Variants in FHIT observed in about 807,000 individuals in gnomAD.
FHIT encodes the protein bis(5'-adenosyl)-triphosphatase.
Under a neutral mutation model 17.9 loss-of-function variants are expected in FHIT, and 19 were observed. That is an observed-to-expected ratio of 1.06 (90% CI 0.74 to 1.56). FHIT has a LOEUF of 1.56. FHIT is among the 40% of genes most tolerant of loss of function. FHIT has a pLI of 0.00. For synonymous variants in FHIT, 81 were observed against 69.7 expected, an observed-to-expected ratio of 1.16 and a Z score of -0.81; for missense variants, 248 against 189.2, an observed-to-expected ratio of 1.31 and a Z score of -1.82.
At chr3:59,854,078 G>A (rs565769368) in intron 8 of FHIT, among the ~76,000 whole-genome samples, 41 of 152,276 alleles carry the variant, frequency 2.7e-4, no homozygotes, top group African/African-American at 9.6e-4. Context: ...GAACCATTGG[G>A]TACTTCGAGT....
rs976750500 is a variant in FHIT at position 59,748,010 on chromosome 3, C to T, written c.*1575G>A. On this transcript the variant is annotated 3_prime_UTR_variant, in exon 10 of 10. Coordinates refer to ENST00000492590, the MANE Select transcript of FHIT (RefSeq NM_002012.4). ...TCTGAATATGCCAAATGGAGAGTTT[C>T]GGTTTGGTGCTAGAATTAAATGCCC... is the stretch of plus-strand genomic sequence containing the variant. Among the ~76,000 whole-genome samples the T allele has an allele frequency of 1.3e-5, 2 of 152,072 alleles. No individual in the cohort carries two copies. The highest frequency in any genetic ancestry group is 2.4e-5 in the African/African-American group (1 of 41,398).
At chr3:59,926,318 C>A (rs1236934652) in intron 7 of FHIT, among the ~76,000 whole-genome samples, 1 of 152,108 alleles carries the variant, frequency 6.6e-6, no homozygotes, top group African/African-American at 2.4e-5. Flanking sequence ...CATTGATTCA[C>A]TCAAAAATAT....
At chr3:60,787,419 T>C (rs369336556) in intron 4 of FHIT, among the ~76,000 whole-genome samples, 1 of 152,192 alleles carries the variant, frequency 6.6e-6, no homozygotes, top group South Asian at 2.1e-4. Flanking sequence ...TCTAATAGTG[T>C]CTGATACCCT....
intron 8 of FHIT, among the ~76,000 whole-genome samples, chr3:59,812,640 C>T (rs1017391371): frequency 6.6e-6 from 1 of 152,176 alleles, no homozygotes; most frequent in Non-Finnish European, 1.5e-5. Flanking sequence ...TCAGTGGAGA[C>T]GTCCTTCCTA....
intron 8 of FHIT, among the ~76,000 whole-genome samples, chr3:59,786,920 T>C (rs945950431): frequency 2.0e-5 from 3 of 152,190 alleles, no homozygotes; most frequent in Non-Finnish European, 2.9e-5. Flanking sequence ...CATTTTTGCA[T>C]TGCTGAAAAT....
At chr3:60,519,483 C>T (rs79199791) in intron 5 of FHIT, among the ~76,000 whole-genome samples, 1 of 152,256 alleles carries the variant, frequency 6.6e-6, no homozygotes, top group African/African-American at 2.4e-5. Context: ...CAAAACTTAA[C>T]TACTAGTAGA....
At chr3:60,919,090 G>A (rs62251572) in intron 3 of FHIT, among the ~76,000 whole-genome samples, 35,408 of 152,024 alleles carry the variant, frequency 0.23, 5,416 homozygotes, top group East Asian at 0.62. Flanking sequence ...GTAAGCAAAG[G>A]GGGCTCAGTG....
intron 5 of FHIT, among the ~76,000 whole-genome samples, chr3:60,172,081 G>A (rs1701443779): frequency 6.6e-6 from 1 of 152,114 alleles, no homozygotes; most frequent in Non-Finnish European, 1.5e-5. Flanking sequence ...AGGGGAGACA[G>A]GTATTATTCA....
rs1231839973 is a variant in FHIT, at chr3:60,295,112, C to T, written c.103+241748G>A. On this transcript the variant is annotated intron_variant, in intron 5 of 9. Coordinates refer to ENST00000492590, the MANE Select transcript of FHIT (RefSeq NM_002012.4). ...TAAAGGAATACATGAGTAGCCAGGTCAGTGGCACAGGCCTGTAGTCCCAGC... is the reference window on the plus strand; with the variant it reads ...TAAAGGAATACATGAGTAGCCAGGTTAGTGGCACAGGCCTGTAGTCCCAGC... 3.9e-5 allele frequency among the ~76,000 whole-genome samples: 6 copies of T among 151,974 alleles called. No individual in the cohort carries two copies. In the South Asian group the frequency reaches 8.3e-4, roughly 21 times the overall value.
intron 4 of FHIT, among the ~76,000 whole-genome samples, chr3:60,600,463 AAAGT>A (rs532437377): frequency 2.6e-5 from 4 of 152,320 alleles, no homozygotes; most frequent in African/African-American, 2.4e-5. Flanking sequence ...CTAATTTTTA[AAAGT>A]AAGAAAATGA....
intron 7 of FHIT, among the ~76,000 whole-genome samples, chr3:60,006,174 C>T (rs961691011): frequency 6.6e-6 from 1 of 152,120 alleles, no homozygotes; most frequent in Non-Finnish European, 1.5e-5. Context: ...TAAAAATGTT[C>T]GGACAGAGAG....
intron 4 of FHIT, among the ~76,000 whole-genome samples, chr3:60,702,470 GGCC>G: frequency 6.6e-6 from 1 of 151,334 alleles, no homozygotes; most frequent in South Asian, 2.1e-4. Flanking sequence ...TTTCTATATA[GGCC>G]TTTTTTGTTA....
At chr3:60,881,905 A>T (rs1238775962) in intron 3 of FHIT, among the ~76,000 whole-genome samples, 13 of 152,112 alleles carry the variant, frequency 8.5e-5, no homozygotes, top group Non-Finnish European at 1.8e-4. Flanking sequence ...AACAAAGATC[A>T]GAGGAGAAAT....
At chr3:60,292,849 T>C (rs1444288657) in intron 5 of FHIT, among the ~76,000 whole-genome samples, 1 of 108,110 alleles carries the variant, frequency 9.2e-6, no homozygotes, top group African/African-American at 3.7e-5. Flanking sequence ...TTATTGGCTT[T>C]ATTTCAAATG....
chr3:61,059,458 G>A (rs2034349792), intron 2 of FHIT, among the ~76,000 whole-genome samples: 1 of 146,686 alleles, frequency 6.8e-6, no homozygotes, highest in Admixed American at 6.9e-5. Context: ...AATTTGGGGT[G>A]TCTGGTTACA....
chr3:60,860,970 A>C (rs1214910140), intron 3 of FHIT, among the ~76,000 whole-genome samples: 6 of 99,712 alleles, frequency 6.0e-5, no homozygotes, highest in East Asian at 4.8e-4. Flanking sequence ...CGTATATATC[A>C]TGTATATATG....
intron 5 of FHIT, among the ~76,000 whole-genome samples, chr3:60,255,199 G>A (rs1705926066): frequency 6.6e-6 from 1 of 152,028 alleles, no homozygotes; most frequent in Admixed American, 6.6e-5. Flanking sequence ...AATAGATATG[G>A]CATGTTTGTT....
intron 5 of FHIT, among the ~76,000 whole-genome samples, chr3:60,370,931 T>C (rs1700302655): frequency 6.6e-6 from 1 of 152,224 alleles, no homozygotes; most frequent in African/African-American, 2.4e-5. Flanking sequence ...TCTCACTGCC[T>C]TTTAATTCGC....
intron 4 of FHIT, among the ~76,000 whole-genome samples, chr3:60,666,796 C>T (rs1426178400): frequency 2.6e-5 from 4 of 152,034 alleles, no homozygotes; most frequent in Admixed American, 2.0e-4. Flanking sequence ...CCTCAGCCTC[C>T]TGAGTAGCTG....
Sources: gnomAD v4.1 joint callset for allele counts (sites outside exome capture counted in the v4.1 genomes callset) on GRCh38, gnomAD v4.1.1 for gene constraint, MANE v1.5 for transcripts, NCBI Gene and HGNC (gene_info 2026-07-23, HGNC 2026-07-21) for gene names.